Variants in CDH18 observed in about 807,000 individuals in gnomAD.
CDH18 encodes the protein cadherin 18.
A neutral mutation model predicts 67.9 loss-of-function variants in CDH18; 31 were observed. The ratio of observed to expected loss-of-function variants is 0.46; its 90% CI spans 0.34 to 0.62. The LOEUF is 0.62. Among genes scored for constraint, CDH18 ranks in the 20% least tolerant of loss-of-function variants. The probability of loss-of-function intolerance (pLI) is 0.01; values close to 1 mark genes in which losing one functional copy is unlikely to be tolerated. For missense variants in CDH18, 890 were observed against 975.5 expected, an observed-to-expected ratio of 0.91 and a Z score of 1.17; for synonymous variants, 362 against 347.2, an observed-to-expected ratio of 1.04 and a Z score of -0.48.
chr5:20,062,710 G>A (rs1292624012), intron 2 of CDH18, among the ~76,000 whole-genome samples: 2 of 151,920 alleles, frequency 1.3e-5, no homozygotes, highest in East Asian at 1.9e-4. Flanking sequence ...GTTTTGCATC[G>A]CTCTTCTATT....
intron 1 of CDH18, among the ~76,000 whole-genome samples, chr5:20,484,019 T>A (rs1011071642): frequency 6.6e-6 from 1 of 151,972 alleles, no homozygotes; most frequent in Non-Finnish European, 1.5e-5. Context: ...AGAAAATACT[T>A]GCAAACTATC....
intron 1 of CDH18, among the ~76,000 whole-genome samples, chr5:20,360,814 C>T (rs1742029042): frequency 6.6e-6 from 1 of 152,034 alleles, no homozygotes; most frequent in African/African-American, 2.4e-5. Context: ...TCTATATACA[C>T]CTGTGTAAGC....
intron 2 of CDH18, among the ~76,000 whole-genome samples, chr5:19,958,337 T>C (rs1430483589): frequency 1.6e-5 from 2 of 124,702 alleles, no homozygotes; most frequent in East Asian, 2.5e-4. Context: ...GCTTATTTCT[T>C]ATACTAGATA....
At chr5:20,566,121 T>C (rs1046199800) in intron 1 of CDH18, among the ~76,000 whole-genome samples, 1 of 152,060 alleles carries the variant, frequency 6.6e-6, no homozygotes, top group Non-Finnish European at 1.5e-5. Flanking sequence ...AGTCAGGAGA[T>C]ACTAAGGGCA....
At chr5:19,893,018 T>C (rs1788940294) in intron 2 of CDH18, among the ~76,000 whole-genome samples, 1 of 152,156 alleles carries the variant, frequency 6.6e-6, no homozygotes, top group Non-Finnish European at 1.5e-5. Context: ...ATTCCCAATG[T>C]GATAGCAGTG....
At chr5:20,500,633 T>C (rs996689979) in intron 1 of CDH18, among the ~76,000 whole-genome samples, 1 of 152,170 alleles carries the variant, frequency 6.6e-6, no homozygotes, top group South Asian at 2.1e-4. Flanking sequence ...GTAAGTATGC[T>C]GTAAATGGAT....
chr5:20,337,624 A>C (rs184564533), intron 1 of CDH18, among the ~76,000 whole-genome samples: 24 of 152,270 alleles, frequency 1.6e-4, no homozygotes, highest in Non-Finnish European at 3.5e-4. Flanking sequence ...TCATATCACT[A>C]TCAGCATTTT....
intron 1 of CDH18, among the ~76,000 whole-genome samples, chr5:20,274,535 G>A (rs1427727780): frequency 2.0e-5 from 3 of 151,998 alleles, no homozygotes; most frequent in Non-Finnish European, 4.4e-5. Context: ...CTTGATTTTT[G>A]CAATGGCCTT....
rs59764100 is a variant in CDH18, at chr5:20,279,725, A to AAAAAAAAAAC, written c.-579-24221_-579-24220insGTTTTTTTTT. Among the ~76,000 whole-genome samples, 607 of 128,824 alleles carry AAAAAAAAAAC rather than the reference A, an allele frequency of 4.7e-3. 40 individuals are homozygous for AAAAAAAAAAC. Among genetic ancestry groups the AAAAAAAAAAC allele is most frequent in the East Asian group, 0.01 (43 of 4,222 alleles). 84.5% of individuals were successfully genotyped at this position (128,824 alleles called of 152,430 possible). A position where few individuals can be genotyped will look rare whatever the true frequency, so the allele number is the denominator to read the frequency against. ...AAAAAAAAAAAAAAAAAAAAAAAAA[A>AAAAAAAAAAC]AAAGCAAAAACTGTAAGAGCGAGAT... On this transcript the variant is annotated intron_variant, in intron 1 of 14. Coordinates refer to the CDH18 transcript ENST00000507958.
Position 20,223,485 on chromosome 5 carries a change from T to A in CDH18, c.-518+31959A>T, listed in dbSNP as rs1048745510. Among the ~76,000 whole-genome samples, 4 of 152,240 alleles carry A rather than the reference T, an allele frequency of 2.6e-5. No individual in the cohort carries two copies. In the South Asian group the frequency reaches 6.2e-4, roughly 24 times the overall value. On this transcript the variant is annotated intron_variant, in intron 2 of 14. Transcript: ENST00000507958. Reference sequence around the variant, plus strand: ...GTGGACTTTTAAGTTAATGCTGAAATGAGTTAAGACTTTTGGGGACTGTTG... The same window carrying A: ...GTGGACTTTTAAGTTAATGCTGAAAAGAGTTAAGACTTTTGGGGACTGTTG...
intron 3 of CDH18, among the ~76,000 whole-genome samples, chr5:19,772,560 A>C (rs1374166621): frequency 6.6e-6 from 1 of 152,188 alleles, no homozygotes; most frequent in African/African-American, 2.4e-5. Context: ...CCCTGTCCAC[A>C]CCTTGATTCC....
chr5:19,690,884 C>T (rs1361147730), intron 5 of CDH18, among the ~76,000 whole-genome samples: 1 of 151,676 alleles, frequency 6.6e-6, no homozygotes, highest in African/African-American at 2.4e-5. Flanking sequence ...AAATTATTCT[C>T]AAAAATTGAA....
At chr5:19,705,731 C>T (rs1293182265) in intron 5 of CDH18, among the ~76,000 whole-genome samples, 4 of 152,154 alleles carry the variant, frequency 2.6e-5, no homozygotes, top group East Asian at 1.9e-4. Context: ...TGGGAGAACT[C>T]GGATTGTTAA....
intron 2 of CDH18, among the ~76,000 whole-genome samples, chr5:20,102,666 G>A (rs1194232607): frequency 1.3e-5 from 2 of 152,040 alleles, no homozygotes; most frequent in Non-Finnish European, 2.9e-5. Context: ...ACTGACCTTT[G>A]ACCCTCTGCA....
chr5:20,292,300 CTGTTTTGCTT>C (rs1747162340), intron 1 of CDH18, among the ~76,000 whole-genome samples: 1 of 152,154 alleles, frequency 6.6e-6, no homozygotes, highest in African/African-American at 2.4e-5. Flanking sequence ...AGAAACACTG[CTGTTTTGCTT>C]TTAGCAAAAA....
chr5:19,837,996 C>A (rs1049641796), intron 3 of CDH18, among the ~76,000 whole-genome samples: 1 of 152,132 alleles, frequency 6.6e-6, no homozygotes, highest in Non-Finnish European at 1.5e-5. Context: ...TAAACTCTCC[C>A]ATGTTACTGA....
chr5:19,675,488 G>A (rs1307819893), intron 5 of CDH18, among the ~76,000 whole-genome samples: 2 of 152,078 alleles, frequency 1.3e-5, no homozygotes, highest in Non-Finnish European at 2.9e-5. Context: ...TCTCAGGGAT[G>A]TTCCTTGCTG....
intron 5 of CDH18, among the ~76,000 whole-genome samples, chr5:19,655,374 T>A (rs2150288188): frequency 6.6e-6 from 1 of 151,828 alleles, no homozygotes; most frequent in South Asian, 2.1e-4. Flanking sequence ...ATTATAGACA[T>A]TAGAGTTGTT....
intron 1 of CDH18, among the ~76,000 whole-genome samples, chr5:20,435,278 T>C (rs979176622): frequency 2.0e-5 from 3 of 152,056 alleles, no homozygotes; most frequent in Non-Finnish European, 4.4e-5. Flanking sequence ...ACATGAAGGA[T>C]TAACCAGATC....
Sources: allele counts gnomAD v4.1 joint callset (sites outside exome capture counted in the v4.1 genomes callset), GRCh38; gene constraint gnomAD v4.1.1; transcripts MANE v1.5; gene names NCBI Gene and HGNC (gene_info 2026-07-23, HGNC 2026-07-21).